Variants in CNTN1 observed in about 807,000 individuals in gnomAD.
The protein encoded by CNTN1 is contactin 1.
A neutral mutation model predicts 126.4 loss-of-function variants in CNTN1; 38 were observed. The ratio of observed to expected loss-of-function variants is 0.30; its 90% confidence interval spans 0.23 to 0.39. The LOEUF (loss-of-function observed/expected upper bound fraction) is 0.39. CNTN1 is among the 10% of genes least tolerant of loss of function. The pLI, the probability that CNTN1 is intolerant of heterozygous loss-of-function variation, is 1.00. For missense variants in CNTN1, 1,009 were observed against 1,248.4 expected (o/e 0.81, Z 2.89); for synonymous variants, 413 against 422.6 (o/e 0.98, Z 0.28).
intron 23 of CNTN1, among the ~76,000 whole-genome samples, chr12:41,069,351 G>A (rs945844464): frequency 2.0e-5 from 3 of 152,124 alleles, no homozygotes; most frequent in African/African-American, 7.2e-5. Flanking sequence ...ATTGGGATGT[G>A]AAATTATGCA....
At chr12:40,855,388 A>T (rs1216577404) in intron 1 of CNTN1, among the ~76,000 whole-genome samples, 1 of 152,086 alleles carries the variant, frequency 6.6e-6, no homozygotes, top group Non-Finnish European at 1.5e-5. Context: ...GCTCGTCATT[A>T]TCTATTTAAA....
At chr12:41,069,872 C>A in intron 23 of CNTN1, 87 bp from the exon 24 acceptor site, 1 of 1,021,388 alleles carries the variant, frequency 9.8e-7, no homozygotes, top group Non-Finnish European at 1.5e-6. Context: ...CAGGGCTATG[C>A]AATCTCGCCT....
intron 1 of CNTN1, among the ~76,000 whole-genome samples, chr12:40,783,697 C>T (rs1939892173): frequency 6.6e-6 from 1 of 152,054 alleles, no homozygotes; most frequent in African/African-American, 2.4e-5. Flanking sequence ...CTCCTTTACT[C>T]GTTGTGTGAA....
At position 41,040,344 on chromosome 12, in the gene CNTN1, T is replaced by C. The variant is rs568399068; in HGVS notation, c.2980+11125T>C. 2.0e-5 allele frequency among the ~76,000 whole-genome samples: 3 copies of C among 152,240 alleles called. No individual in the cohort carries two copies. The East Asian group carries it at 5.8e-4, about 29-fold the overall frequency. The stretch of plus-strand genomic sequence containing the variant: ...ATATCTGAACAAAATATGAAGAGTA[T>C]TAGCAAAGAAGCAGAGAGAGAAAGA... On this transcript the variant is annotated intron_variant, in intron 23 of 23. Coordinates refer to ENST00000551295, the MANE Select transcript of CNTN1 (RefSeq NM_001843.4).
chr12:40,897,577 C>T (rs1250962784), intron 1 of CNTN1, among the ~76,000 whole-genome samples: 1 of 152,150 alleles, frequency 6.6e-6, no homozygotes, highest in African/African-American at 2.4e-5. Flanking sequence ...TAATATACAT[C>T]TCTTTCTGTA....
intron 1 of CNTN1, among the ~76,000 whole-genome samples, chr12:40,883,997 T>A (rs1227640236): frequency 6.6e-6 from 1 of 151,562 alleles, no homozygotes; most frequent in Non-Finnish European, 1.5e-5. Context: ...TATGCTAAGA[T>A]AATAAGGACT....
At chr12:40,988,191 G>A (rs1161752182) in intron 16 of CNTN1, among the ~76,000 whole-genome samples, 11 of 152,128 alleles carry the variant, frequency 7.2e-5, no homozygotes, top group Non-Finnish European at 1.2e-4. Context: ...GAGTAGGTGC[G>A]TTAGAACCAG....
At chr12:41,036,131 T>C (rs1003894774) in intron 23 of CNTN1, among the ~76,000 whole-genome samples, 26 of 152,292 alleles carry the variant, frequency 1.7e-4, no homozygotes, top group Non-Finnish European at 3.7e-4. Context: ...GGTTTTTTTA[T>C]GACTCTAAGA....
At chr12:40,786,426 T>C (rs962908512) in intron 1 of CNTN1, among the ~76,000 whole-genome samples, 1 of 152,192 alleles carries the variant, frequency 6.6e-6, no homozygotes, top group Admixed American at 6.6e-5. Flanking sequence ...GTCTTGTGTA[T>C]GTCACAGGGC....
At chr12:40,857,875 T>G (rs1012669558) in intron 1 of CNTN1, among the ~76,000 whole-genome samples, 1 of 152,124 alleles carries the variant, frequency 6.6e-6, no homozygotes, top group South Asian at 2.1e-4. Flanking sequence ...TTGTTTTTCT[T>G]GTCTCTGGTA....
chr12:40,946,081 A>G (rs2136958521), intron 14 of CNTN1, among the ~76,000 whole-genome samples: 1 of 152,296 alleles, frequency 6.6e-6, no homozygotes, highest in Middle Eastern at 3.4e-3. Flanking sequence ...AAAAGCCTGG[A>G]TAAGAATCAT....
chr12:40,975,200 A>G (rs1335810348), intron 15 of CNTN1, among the ~76,000 whole-genome samples: 2 of 112,114 alleles, frequency 1.8e-5, no homozygotes, highest in Non-Finnish European at 3.6e-5. Context: ...ATATATATAT[A>G]TATATATATA....
At chr12:40,824,261 A>G (rs1440696592) in intron 1 of CNTN1, among the ~76,000 whole-genome samples, 1 of 152,136 alleles carries the variant, frequency 6.6e-6, no homozygotes, top group Non-Finnish European at 1.5e-5. Context: ...AGTTCTCATC[A>G]TAGAGAAACT....
At chr12:40,939,149 T>A (rs1946178569) in intron 11 of CNTN1, among the ~76,000 whole-genome samples, 186 bp from the exon 12 acceptor site, 1 of 152,144 alleles carries the variant, frequency 6.6e-6, no homozygotes, top group South Asian at 2.1e-4. Flanking sequence ...ATTTTATAAG[T>A]CAAAGTTATT....
At chr12:40,835,736 C>T (rs1942023892) in intron 1 of CNTN1, among the ~76,000 whole-genome samples, 1 of 151,682 alleles carries the variant, frequency 6.6e-6, no homozygotes, top group Admixed American at 6.6e-5. Flanking sequence ...ACTTTAATCT[C>T]TTGAATTAAA....
chr12:40,988,219 C>T (rs1304349087), intron 16 of CNTN1, among the ~76,000 whole-genome samples: 1 of 152,128 alleles, frequency 6.6e-6, no homozygotes, highest in Non-Finnish European at 1.5e-5. Context: ...CCTTTAAATT[C>T]TCATTTCCAG....
At chr12:40,910,244 C>T (rs1944978903) in intron 3 of CNTN1, 139 bp downstream of exon 3, 3 of 640,176 alleles carry the variant, frequency 4.7e-6, no homozygotes, top group South Asian at 3.8e-5. Flanking sequence ...GTAAGGTGGT[C>T]TTTCTGAGAT....
In CNTN1 at chr12:41,053,428, AATATATATATATATAT is replaced by A. The variant is rs66808071; in HGVS notation, c.2981-16506_2981-16491del. ...TTTTGTCTCTTTCATGTTTTCACTA[AATATATATATATATAT>A]ATATATATATATATATATATATATT... On this transcript the variant is annotated intron_variant, in intron 23 of 23. Transcript: ENST00000551295. Among the ~76,000 whole-genome samples, 599 of 64,112 alleles carry A rather than the reference AATATATATATATATAT, an allele frequency of 9.3e-3. 19 individuals are homozygous for A. Among genetic ancestry groups the A allele is most frequent in the African/African-American group, 0.013 (169 of 13,272 alleles). The allele number at this position is 64,112 out of a possible 152,430, so 42.1% of individuals were successfully genotyped here. A position where few individuals can be genotyped will look rare whatever the true frequency, so the allele number is the denominator to read the frequency against.
chr12:40,995,838 T>C (rs534479425), intron 17 of CNTN1, among the ~76,000 whole-genome samples: 17 of 152,382 alleles, frequency 1.1e-4, no homozygotes, highest in African/African-American at 4.1e-4. Context: ...CTCATTACTA[T>C]AGTTTACACA....
Sources: allele counts gnomAD v4.1 joint callset (sites outside exome capture counted in the v4.1 genomes callset), GRCh38; gene constraint gnomAD v4.1.1; transcripts MANE v1.5; gene names NCBI Gene and HGNC (gene_info 2026-07-23, HGNC 2026-07-21).